Variants in PPP6R1 observed in about 807,000 individuals in gnomAD.
PPP6R1 encodes the protein protein phosphatase 6 regulatory subunit 1.
PPP6R1 carries 39 observed loss-of-function variants against 104.6 expected under a neutral mutation model. The observed-to-expected ratio is 0.37, with a 90% CI of 0.29 to 0.49. The LOEUF (loss-of-function observed/expected upper bound fraction) is 0.49. PPP6R1 is among the 20% of genes least tolerant of loss of function. The pLI is 0.98. For missense variants in PPP6R1, 1,181 were observed against 1,155.8 expected, an observed-to-expected ratio of 1.02 and a Z score of -0.32; for synonymous variants, 549 against 479.0, an observed-to-expected ratio of 1.15 and a Z score of -1.91.
chr19:55,257,379 T>C (rs1042609780), intron 1 of PPP6R1, among the ~76,000 whole-genome samples: 8 of 152,348 alleles, frequency 5.3e-5, no homozygotes, highest in South Asian at 2.1e-4. Context: ...CTGAAACATC[T>C]TGCCTTTCAG....
intron 1 of PPP6R1, among the ~76,000 whole-genome samples, chr19:55,256,142 A>AG (rs2087591477): frequency 6.6e-6 from 1 of 152,378 alleles, no homozygotes; most frequent in South Asian, 2.1e-4. Context: ...AAGAAACAGT[A>AG]GATGAACCAA....
At chr19:55,257,763 C>T (rs1323508889) in intron 1 of PPP6R1, among the ~76,000 whole-genome samples, 1 of 152,258 alleles carries the variant, frequency 6.6e-6, no homozygotes, top group Non-Finnish European at 1.5e-5. Flanking sequence ...GTACCCCCTC[C>T]AGGGACCGGC....
In PPP6R1 at chr19:55,236,904, A is replaced by G; in HGVS notation, c.1809+9T>C. ...ACCCGCCACAACCAGGGGACAGGGC[A>G]GTACTCACGTTCTCATCGTCAGCAT... On this transcript the variant is annotated intron_variant, in intron 16 of 23. Transcript: ENST00000412770. 1.2e-6 allele frequency: 2 copies of G among 1,612,516 alleles called. No individual in the cohort carries two copies. Among genetic ancestry groups the G allele is most frequent in the South Asian group, 2.2e-5 (2 of 91,048 alleles).
chr19:55,230,782 T>C lies in PPP6R1; in HGVS notation c.2562A>G (p.Gln854=), dbSNP rs1247094647. 9 of 1,448,898 alleles carry C rather than the reference T, an allele frequency of 6.2e-6. No homozygotes were observed. Among genetic ancestry groups the C allele is most frequent in the Non-Finnish European group, 5.6e-6 (6 of 1,076,112 alleles). 89.8% of individuals were successfully genotyped at this position (1,448,898 alleles called of 1,614,324 possible). ...EKSPEPLGLP[Q]SQSAQALTPP... is the part of the protein sequence containing the mutation. ...GCTGCCCTGGTGCTCACCTCTGGCTTTGGGGAAGCCCCAAGGGCTCTGGGC... is the reference window on the plus strand; with the variant it reads ...GCTGCCCTGGTGCTCACCTCTGGCTCTGGGGAAGCCCCAAGGGCTCTGGGC... The change falls in exon 22 of 24, where the codon CAA becomes CAG. Residue 854 remains glutamine, a synonymous_variant. Coordinates refer to ENST00000412770, the MANE Select transcript of PPP6R1 (RefSeq NM_014931.4).
At position 55,230,354 on chromosome 19, in the gene PPP6R1, G is replaced by T. The variant is rs980929680; in HGVS notation, c.*174C>A. On this transcript the variant is annotated 3_prime_UTR_variant, in exon 24 of 24. Transcript: ENST00000412770. Reference sequence around the variant, plus strand: ...CAAAACTTCTCTTCTCAGTGCAAATGGGGGTGGGTTGGGCCTGTCTCCCTG... The same window carrying T: ...CAAAACTTCTCTTCTCAGTGCAAATTGGGGTGGGTTGGGCCTGTCTCCCTG... The T allele has an allele frequency of 1.2e-6, 1 of 842,110 alleles. No individual in the cohort carries two copies. The allele number at this position is 842,110 out of a possible 1,614,324, so 52.2% of individuals were successfully genotyped here. A position where few individuals can be genotyped will look rare whatever the true frequency, so the allele number is the denominator to read the frequency against.
At chr19:55,247,356 C>T in intron 1 of PPP6R1, 1 of 543,222 alleles carries the variant, frequency 1.8e-6, no homozygotes, top group Non-Finnish European at 3.3e-6. Context: ...GCCCCTCTTC[C>T]CCCATCTCCA....
chr19:55,247,951 C>G (rs2087524012), intron 1 of PPP6R1, among the ~76,000 whole-genome samples: 1 of 152,250 alleles, frequency 6.6e-6, no homozygotes, highest in Admixed American at 6.5e-5. Flanking sequence ...CTGTCCCCAT[C>G]TGGAGCTGGC....
At chr19:55,251,339 G>A (rs149289736) in intron 1 of PPP6R1, among the ~76,000 whole-genome samples, 1 of 152,162 alleles carries the variant, frequency 6.6e-6, no homozygotes, top group African/African-American at 2.4e-5. Context: ...ACGCTCACAA[G>A]TATTAGCTGA....
At position 55,242,127 on chromosome 19, in the gene PPP6R1, G is replaced by A. The variant is rs750789204; in HGVS notation, c.845+39C>T. The A allele has an allele frequency of 3.6e-5, 57 of 1,571,416 alleles. No homozygotes were observed. In the African/African-American group the frequency reaches 6.7e-4, roughly 19 times the overall value. ...TCTGAGGGGCCGGAGAGCCCCTGGGGATGGGCAGCATGCATGGTCTGTGGC... is the reference window on the plus strand; with the variant it reads ...TCTGAGGGGCCGGAGAGCCCCTGGGAATGGGCAGCATGCATGGTCTGTGGC... On this transcript the variant is annotated intron_variant, in intron 7 of 23. Coordinates refer to ENST00000412770, the MANE Select transcript of PPP6R1 (RefSeq NM_014931.4).
chr19:55,232,165 C>A lies in PPP6R1; in HGVS notation c.2035G>T (p.Glu679Ter). The change falls in exon 18 of 24, where the codon GAG (glutamate) becomes TAG (stop). Residue 679 changes from glutamate (E) to a stop codon, truncating the protein, a stop_gained. Coordinates refer to ENST00000412770, the MANE Select transcript of PPP6R1 (RefSeq NM_014931.4). LOFTEE classifies it high-confidence loss of function. ...DSEDEEEEDE[E>*]EEEDEEGIGC... ...ATGCCCTCCTCGTCTTCCTCCTCCT[C>A]CTCGTCCTCCTCTTCTTCGTCCTCA... 1 of 1,571,092 alleles carries A rather than the reference C, an allele frequency of 6.4e-7. No individual in the cohort carries two copies. The highest frequency in any genetic ancestry group is 8.6e-7 in the Non-Finnish European group (1 of 1,157,956).
intron 17 of PPP6R1, among the ~76,000 whole-genome samples, chr19:55,235,851 T>C (rs1232965691): frequency 6.7e-6 from 1 of 148,924 alleles, no homozygotes; most frequent in Admixed American, 6.7e-5. Context: ...TTTTTTTTTT[T>C]TTTTTTTTTG....
intron 1 of PPP6R1, among the ~76,000 whole-genome samples, chr19:55,248,418 C>G (rs1488232403): frequency 2.0e-5 from 3 of 152,272 alleles, no homozygotes; most frequent in Non-Finnish European, 4.4e-5. Flanking sequence ...CGCTCATTAC[C>G]TGCCTCCTGA....
downstream of PPP6R1, chr19:55,228,863 G>A (rs991633611): frequency 2.0e-6 from 2 of 1,008,660 alleles, no homozygotes; most frequent in Non-Finnish European, 3.0e-6. Flanking sequence ...ACTGATAACA[G>A]GGCCCAGGGA....
Position 55,231,870 on chromosome 19 carries a change from G to A in PPP6R1, c.2238C>T (p.Leu746=), listed in dbSNP as rs755534163. The A allele has an allele frequency of 4.6e-6, 7 of 1,506,006 alleles. No individual in the cohort carries two copies. The highest frequency in any genetic ancestry group is 5.3e-6 in the Non-Finnish European group (6 of 1,127,696). 93.3% of individuals were successfully genotyped at this position (1,506,006 alleles called of 1,614,324 possible). The change falls in exon 19 of 24, where the codon CTC becomes CTT. Residue 746 remains leucine, a synonymous_variant. Coordinates refer to ENST00000412770, the MANE Select transcript of PPP6R1 (RefSeq NM_014931.4). Reference sequence around the variant, plus strand: ...GAGTGGGGAGGCCCTGGGGCACACTGAGGGGCCCCTGTGGGGCTGGAGGCC... The same window carrying A: ...GAGTGGGGAGGCCCTGGGGCACACTAAGGGGCCCCTGTGGGGCTGGAGGCC... ...HTGPPAPQGP[L]SVPQGLPTQS...
At chr19:55,256,326 G>C (rs1459312626) in intron 1 of PPP6R1, among the ~76,000 whole-genome samples, 1 of 152,224 alleles carries the variant, frequency 6.6e-6, no homozygotes, top group African/African-American at 2.4e-5. Context: ...TCTTTTCGGT[G>C]TTGGGGCTGC....
intron 2 of PPP6R1, 73 bp downstream of exon 2, chr19:55,246,804 G>T (rs1411629759): frequency 2.3e-6 from 3 of 1,309,076 alleles, no homozygotes; most frequent in African/African-American, 1.5e-5. Context: ...TTTCAGGGTA[G>T]CTGTGAGGCT....
rs539507536 is a variant in PPP6R1 at position 55,246,879 on chromosome 19, G to A, written c.225C>T (p.Tyr75=). 1 of 1,592,934 alleles carries A rather than the reference G, an allele frequency of 6.3e-7. No homozygotes were observed. The highest frequency in any genetic ancestry group is 1.1e-5 in the South Asian group (1 of 88,478). The change falls in exon 2 of 24, where the codon TAC becomes TAT. Residue 75 remains tyrosine (Y), a splice_region_variant and synonymous_variant. Transcript: ENST00000412770. ...PPDSGEERLR[Y]KYPSVACEIL... ...TGGCCAGGAGCTGGGGAACTCACTT[G>A]TAGCGCAGCCGCTCCTCACCGCTAT...
At chr19:55,228,969 G>A (rs527693741), downstream of PPP6R1, 18 of 518,946 alleles carry the variant, frequency 3.5e-5, no homozygotes, top group East Asian at 5.1e-4. Flanking sequence ...GCTGGGACAT[G>A]GCTTCCTCCT....
chr19:55,258,982 C>G lies in PPP6R1; in HGVS notation c.-554G>C, dbSNP rs1473959285. 2 of 152,206 alleles carry G rather than the reference C, an allele frequency of 1.3e-5. No homozygotes were observed. The highest frequency in any genetic ancestry group is 4.8e-5 in the African/African-American group (2 of 41,456). 9.4% of individuals were successfully genotyped at this position (152,206 alleles called of 1,614,324 possible). A position where few individuals can be genotyped will look rare whatever the true frequency, so the allele number is the denominator to read the frequency against. On this transcript the variant is annotated 5_prime_UTR_variant, in exon 1 of 24. Transcript: ENST00000412770. Reference sequence around the variant, plus strand: ...GGCTCTGCGGCCGGCCTCAGGGCCTCCGACGCCCGGCTCCCTCCGCCACTA... The same window carrying G: ...GGCTCTGCGGCCGGCCTCAGGGCCTGCGACGCCCGGCTCCCTCCGCCACTA...
Sources: allele counts gnomAD v4.1 joint callset (sites outside exome capture counted in the v4.1 genomes callset), GRCh38; gene constraint gnomAD v4.1.1; transcripts MANE v1.5; gene names NCBI Gene and HGNC (gene_info 2026-07-23, HGNC 2026-07-21).